Variants in RPH3A observed in about 807,000 individuals in gnomAD.
The protein encoded by RPH3A is rabphilin-3A.
RPH3A carries 48 observed loss-of-function variants against 102.2 expected under a neutral mutation model. That is an observed-to-expected ratio of 0.47 (90% CI 0.37 to 0.60). RPH3A has a LOEUF of 0.60. RPH3A is among the 20% of genes least tolerant of loss of function. The pLI, the probability that RPH3A is intolerant of heterozygous loss-of-function variation, is 0.00. For synonymous variants in RPH3A, 310 were observed against 324.3 expected (o/e 0.96, Z 0.47); for missense variants, 781 against 910.1 (o/e 0.86, Z 1.83).
intron 2 of RPH3A, among the ~76,000 whole-genome samples, chr12:112,814,189 C>T (rs796232908): frequency 4.3e-4 from 66 of 151,884 alleles, no homozygotes; most frequent in African/African-American, 1.5e-3. Context: ...CTTTCCTGGC[C>T]CATCTTAGGC....
At chr12:112,605,321 G>A (rs1460273936) in intron 1 of RPH3A, among the ~76,000 whole-genome samples, 1 of 152,186 alleles carries the variant, frequency 6.6e-6, no homozygotes, top group Non-Finnish European at 1.5e-5. Flanking sequence ...GTTGCAGTGA[G>A]CTGAGATTGC....
chr12:112,634,419 G>T (rs1351286125), intron 1 of RPH3A, among the ~76,000 whole-genome samples: 1 of 144,128 alleles, frequency 6.9e-6, no homozygotes, highest in Non-Finnish European at 1.5e-5. Flanking sequence ...AGCCAGGCGT[G>T]GTGGCGGGCA....
Position 112,891,034 on chromosome 12 carries a change from C to T in RPH3A, c.1775+31C>T, listed in dbSNP as rs192692438. The T allele has an allele frequency of 1.2e-3, 1,871 of 1,612,260 alleles. 3 individuals are homozygous for T. The highest frequency in any genetic ancestry group is 1.4e-3 in the Non-Finnish European group (1,654 of 1,178,912). ...TCAATGCCTTGGGGCTACAGGTGGG[C>T]CCTGAAGGAGTCCTGGAGCCTTGGA... On this transcript the variant is annotated intron_variant, in intron 19 of 21. Coordinates refer to ENST00000389385, the MANE Select transcript of RPH3A (RefSeq NM_001143854.2).
chr12:112,579,413 A>G (rs1236432839), intron 1 of RPH3A, among the ~76,000 whole-genome samples: 3 of 152,158 alleles, frequency 2.0e-5, no homozygotes, highest in African/African-American at 7.2e-5. Context: ...CACCCGTATC[A>G]TTTGAACTTC....
At chr12:112,680,489 A>G (rs1158166337) in intron 1 of RPH3A, among the ~76,000 whole-genome samples, 1 of 152,124 alleles carries the variant, frequency 6.6e-6, no homozygotes, top group Non-Finnish European at 1.5e-5. Context: ...AGATGAGGAA[A>G]CTGAGGCCCG....
chr12:112,660,485 C>T lies in RPH3A; in HGVS notation c.-140+85166C>T, dbSNP rs192554351. Among the ~76,000 whole-genome samples, 27 of 152,274 alleles carry T rather than the reference C, an allele frequency of 1.8e-4. 1 individual carries two copies. The East Asian group carries it at 3.9e-3, about 22-fold the overall frequency. ...CCATCTCCTGTCTTGCTCTGTACCA[C>T]CTGATGGCTGCCAAAAGGAAGCAAA... On this transcript the variant is annotated intron_variant, in intron 1 of 21. Transcript: ENST00000543106.
At chr12:112,882,196 C>A (rs909883346) in intron 15 of RPH3A, among the ~76,000 whole-genome samples, 1 of 152,176 alleles carries the variant, frequency 6.6e-6, no homozygotes, top group African/African-American at 2.4e-5. Context: ...TATGCCCCAA[C>A]CACACACTCC....
chr12:112,814,238 T>C (rs2041632776), intron 2 of RPH3A, among the ~76,000 whole-genome samples: 1 of 152,060 alleles, frequency 6.6e-6, no homozygotes, highest in South Asian at 2.1e-4. Context: ...CAGAAACTAG[T>C]TCTTCCTGCT....
intron 1 of RPH3A, among the ~76,000 whole-genome samples, chr12:112,691,559 C>T (rs1469893127): frequency 6.6e-6 from 1 of 152,196 alleles, no homozygotes; most frequent in Non-Finnish European, 1.5e-5. Flanking sequence ...TTAATTTTTA[C>T]AGCTCTGTTA....
At chr12:112,620,983 C>A (rs1165777578) in intron 1 of RPH3A, among the ~76,000 whole-genome samples, 8 of 152,054 alleles carry the variant, frequency 5.3e-5, no homozygotes, top group Admixed American at 5.2e-4. Flanking sequence ...TTAGTTCCCA[C>A]ATATCTTCCT....
rs116020551 is a variant in RPH3A, at chr12:112,678,768, A to G, written c.-140+103449A>G. 6.8e-3 allele frequency among the ~76,000 whole-genome samples: 1,040 copies of G among 152,284 alleles called. 13 individuals carry two copies. Among genetic ancestry groups the G allele is most frequent in the African/African-American group, 0.023 (974 of 41,556 alleles). On this transcript the variant is annotated intron_variant, in intron 1 of 21. Coordinates refer to the RPH3A transcript ENST00000543106. ...CGCTCAGAGGAGATGGGGACGGGAC[A>G]CAGCATCGTCATAGCATTGTCATAT...
At chr12:112,830,453 T>G (rs2041950334) in intron 3 of RPH3A, among the ~76,000 whole-genome samples, 1 of 152,204 alleles carries the variant, frequency 6.6e-6, no homozygotes, top group Admixed American at 6.5e-5. Context: ...TAACCAGATC[T>G]TAGGATATGC....
At chr12:112,859,552 G>C (rs2042472736) in intron 5 of RPH3A, among the ~76,000 whole-genome samples, 1 of 152,112 alleles carries the variant, frequency 6.6e-6, no homozygotes. Context: ...ATACATATTT[G>C]AGTGCACACA....
At chr12:112,606,145 AC>A (rs2039594977) in intron 1 of RPH3A, among the ~76,000 whole-genome samples, 1 of 152,062 alleles carries the variant, frequency 6.6e-6, no homozygotes, top group African/African-American at 2.4e-5. Context: ...GTACTGTGCT[AC>A]ATGAGCTCAC....
At chr12:112,878,480 GA>G (rs995311370) in intron 13 of RPH3A, among the ~76,000 whole-genome samples, 10 of 151,116 alleles carry the variant, frequency 6.6e-5, no homozygotes, top group African/African-American at 1.9e-4. Context: ...GGATATCATG[GA>G]AAAAAAAAGA....
chr12:112,661,911 CGCAGCTGCACCTGAGGT>C (rs1464869149), intron 1 of RPH3A, among the ~76,000 whole-genome samples: 5 of 152,142 alleles, frequency 3.3e-5, no homozygotes, highest in East Asian at 1.9e-4. Flanking sequence ...TGGTGGCCAT[CGCAGCTGCACCTGAGGT>C]GCAGCTGTAC....
chr12:112,879,027 C>G lies in RPH3A; in HGVS notation c.1172-92C>G, dbSNP rs762282943. ...TCTTCTCTTCTGTGGTCTCAATTCA[C>G]AGCCCAGCCTGGGCATATAGTAAGT... On this transcript the variant is annotated intron_variant, in intron 13 of 21. Coordinates refer to ENST00000389385, the MANE Select transcript of RPH3A (RefSeq NM_001143854.2). 227 of 1,146,360 alleles carry G rather than the reference C, an allele frequency of 2.0e-4. No individual in the cohort carries two copies. The highest frequency in any genetic ancestry group is 2.9e-4 in the Non-Finnish European group (222 of 774,398). 71.0% of individuals were successfully genotyped at this position (1,146,360 alleles called of 1,614,324 possible).
At chr12:112,733,238 T>G (rs113127728) in intron 1 of RPH3A, among the ~76,000 whole-genome samples, 1 of 152,010 alleles carries the variant, frequency 6.6e-6, no homozygotes, top group Non-Finnish European at 1.5e-5. Flanking sequence ...TATACACACA[T>G]CTGAACAAAT....
intron 1 of RPH3A, among the ~76,000 whole-genome samples, chr12:112,706,885 C>A (rs1266429114): frequency 1.3e-5 from 2 of 152,154 alleles, no homozygotes; most frequent in Non-Finnish European, 2.9e-5. Context: ...AGTGAGCACA[C>A]AACTTACAGA....
Sources: gnomAD v4.1 joint callset for allele counts (sites outside exome capture counted in the v4.1 genomes callset) on GRCh38, gnomAD v4.1.1 for gene constraint, MANE v1.5 for transcripts, NCBI Gene and HGNC (gene_info 2026-07-23, HGNC 2026-07-21) for gene names.